PACRG: variants seen among roughly 807,000 people sequenced by gnomAD.
PACRG encodes parkin coregulated, also known as parkin coregulated gene protein.
A neutral mutation model predicts 29.7 loss-of-function variants in PACRG; 29 were observed. That is an observed-to-expected ratio of 0.98 (90% CI 0.73 to 1.33). The LOEUF (loss-of-function observed/expected upper bound fraction) is 1.33, where lower values mean the gene tolerates loss of function less well. Ranked by LOEUF, PACRG falls within the 40% of genes most tolerant of loss-of-function variation. PACRG has a pLI of 0.00. For missense variants in PACRG, 279 were observed against 316.2 expected (o/e 0.88, Z 0.89); for synonymous variants, 116 against 118.7 (o/e 0.98, Z 0.15).
At chr6:163,174,760 C>T (rs1300654177) in intron 4 of PACRG, among the ~76,000 whole-genome samples, 1 of 151,860 alleles carries the variant, frequency 6.6e-6, no homozygotes, top group African/African-American at 2.4e-5. Context: ...AGCTGGGCAC[C>T]GTCTCCATCA....
At chr6:163,303,083 C>G (rs1449599906) in intron 4 of PACRG, among the ~76,000 whole-genome samples, 1 of 152,206 alleles carries the variant, frequency 6.6e-6, no homozygotes, top group Non-Finnish European at 1.5e-5. Context: ...GTAATCCCAG[C>G]ACTTTGGGAG....
At chr6:163,173,593 G>T (rs1779201009) in intron 4 of PACRG, among the ~76,000 whole-genome samples, 1 of 152,208 alleles carries the variant, frequency 6.6e-6, no homozygotes, top group African/African-American at 2.4e-5. Context: ...TCACTGATGA[G>T]AGAATCACGC....
intron 2 of PACRG, among the ~76,000 whole-genome samples, chr6:162,841,531 C>A (rs1789768299): frequency 6.6e-6 from 1 of 152,020 alleles, no homozygotes; most frequent in East Asian, 1.9e-4. Flanking sequence ...TTTTGTTGAA[C>A]CTTTCAAAAA....
At chr6:163,104,837 G>T (rs114838373) in intron 4 of PACRG, among the ~76,000 whole-genome samples, 3 of 152,096 alleles carry the variant, frequency 2.0e-5, no homozygotes, top group Non-Finnish European at 1.5e-5. Context: ...AATTGCTCTT[G>T]CCATGTATAC....
chr6:163,088,510 C>CT (rs1442773000), intron 3 of PACRG, among the ~76,000 whole-genome samples: 7 of 152,168 alleles, frequency 4.6e-5, no homozygotes, highest in African/African-American at 1.7e-4. Context: ...TTATCAGCAT[C>CT]CTGATTCCCG....
chr6:163,276,053 G>A (rs1268497714), intron 4 of PACRG, among the ~76,000 whole-genome samples: 4 of 131,860 alleles, frequency 3.0e-5, no homozygotes, highest in Admixed American at 7.6e-5. Context: ...TTTAGACAGA[G>A]CCTCACTTTA....
intron 4 of PACRG, among the ~76,000 whole-genome samples, chr6:163,160,379 T>C (rs1319976463): frequency 6.6e-6 from 1 of 152,228 alleles, no homozygotes; most frequent in Admixed American, 6.5e-5. Context: ...TCTTGTCAAG[T>C]GTGCTTAATA....
At chr6:162,995,356 A>G (rs544190620) in intron 2 of PACRG, among the ~76,000 whole-genome samples, 11 of 151,614 alleles carry the variant, frequency 7.3e-5, no homozygotes, top group Admixed American at 5.9e-4. Context: ...GCCGCCTTGC[A>G]GTTTGATCTC....
intron 2 of PACRG, among the ~76,000 whole-genome samples, chr6:162,995,016 T>G (rs1447513399): frequency 6.6e-6 from 1 of 150,950 alleles, no homozygotes; most frequent in African/African-American, 2.5e-5. Context: ...GGTGTCAGTG[T>G]GCCCCTGCTG....
chr6:163,140,991 G>A, intron 4 of PACRG, among the ~76,000 whole-genome samples: 1 of 152,110 alleles, frequency 6.6e-6, no homozygotes, highest in Non-Finnish European at 1.5e-5. Context: ...TTCCAATTGA[G>A]AAAGATTAAA....
chr6:163,152,293 T>C (rs1019974718), intron 4 of PACRG, among the ~76,000 whole-genome samples: 1 of 152,260 alleles, frequency 6.6e-6, no homozygotes, highest in African/African-American at 2.4e-5. Flanking sequence ...AAAATGCTTC[T>C]ATGGTTTCAA....
At chr6:163,152,993 G>T (rs1216935099) in intron 4 of PACRG, among the ~76,000 whole-genome samples, 1 of 152,150 alleles carries the variant, frequency 6.6e-6, no homozygotes, top group African/African-American at 2.4e-5. Flanking sequence ...TTGCAGTCTA[G>T]TGAACTAATT....
intron 2 of PACRG, among the ~76,000 whole-genome samples, chr6:162,854,816 C>T (rs531874970): frequency 3.9e-5 from 6 of 152,234 alleles, no homozygotes; most frequent in Non-Finnish European, 8.8e-5. Flanking sequence ...AGCCCCACTT[C>T]GCTGGTTTTA....
At chr6:163,269,088 T>A (rs1045418265) in intron 4 of PACRG, among the ~76,000 whole-genome samples, 9 of 152,204 alleles carry the variant, frequency 5.9e-5, no homozygotes, top group African/African-American at 1.9e-4. Context: ...GGGTAACTCC[T>A]CCAAGTAAAC....
At chr6:163,001,978 G>A (rs938734438) in intron 2 of PACRG, among the ~76,000 whole-genome samples, 2 of 152,070 alleles carry the variant, frequency 1.3e-5, no homozygotes, top group African/African-American at 4.8e-5. Flanking sequence ...AAGAGTTAGG[G>A]AACCTGCTTT....
chr6:163,171,522 A>G (rs1012519677), intron 4 of PACRG, among the ~76,000 whole-genome samples: 10 of 152,176 alleles, frequency 6.6e-5, no homozygotes, highest in African/African-American at 2.4e-4. Context: ...CCACACAACT[A>G]TCTGATCTAA....
In PACRG at chr6:162,728,343, T is replaced by C. The variant is rs2128244427; in HGVS notation, c.108T>C (p.Ser36=). 1 of 1,613,870 alleles carries C rather than the reference T, an allele frequency of 6.2e-7. No individual in the cohort carries two copies. The highest frequency in any genetic ancestry group is 1.6e-4 in the Middle Eastern group (1 of 6,062). ...QQPLPVHQPH[S]LVSEGFTVKA... ...CGCTCCCGGTGCACCAGCCTCACTC[T>C]CTGGTTTCTGAGGGTTTCACAGTCA... Residue 36 remains serine, a synonymous_variant, in exon 1 of 5, where the codon TCT becomes TCC. Transcript: ENST00000366888.
intron 4 of PACRG, among the ~76,000 whole-genome samples, chr6:163,284,535 T>C (rs934019811): frequency 6.6e-6 from 1 of 152,378 alleles, no homozygotes; most frequent in African/African-American, 2.4e-5. Context: ...AACAGATTAA[T>C]GTTATTTTAT....
intron 2 of PACRG, among the ~76,000 whole-genome samples, chr6:162,851,351 G>C (rs187576164): frequency 6.6e-6 from 1 of 152,018 alleles, no homozygotes; most frequent in African/African-American, 2.4e-5. Flanking sequence ...TCCCACACAC[G>C]TTCTCTTCTC....
Sources: gnomAD v4.1 joint callset for allele counts (sites outside exome capture counted in the v4.1 genomes callset) on GRCh38, gnomAD v4.1.1 for gene constraint, MANE v1.5 for transcripts, NCBI Gene and HGNC (gene_info 2026-07-23, HGNC 2026-07-21) for gene names.